The following BACH2 variants were observed in gnomAD, a reference collection of about 807,000 sequenced individuals.
BACH2 encodes the protein transcription regulator protein BACH2.
BACH2 carries 5 observed loss-of-function variants against 61.8 expected under a neutral mutation model. The observed-to-expected ratio is 0.08, with a 90% confidence interval of 0.04 to 0.17. The LOEUF is 0.17. BACH2 is among the 10% of genes least tolerant of loss of function. BACH2 has a pLI of 1.00. For synonymous variants in BACH2, 446 were observed against 440.1 expected, an observed-to-expected ratio of 1.01 and a Z score of -0.17; for missense variants, 824 against 1,091.1, an observed-to-expected ratio of 0.76 and a Z score of 3.45.
At chr6:89,975,363 T>C (rs996989120) in intron 6 of BACH2, among the ~76,000 whole-genome samples, 2 of 152,364 alleles carry the variant, frequency 1.3e-5, no homozygotes, top group East Asian at 1.9e-4. Context: ...TTAACTTTTT[T>C]AGATAGACTT....
chr6:90,194,351 A>C (rs1175116426), intron 4 of BACH2, among the ~76,000 whole-genome samples: 2 of 152,194 alleles, frequency 1.3e-5, no homozygotes, highest in Non-Finnish European at 2.9e-5. Context: ...CATGAAGAAA[A>C]AATGAAATGA....
intron 3 of BACH2, among the ~76,000 whole-genome samples, chr6:90,229,247 T>C (rs1465230473): frequency 6.6e-6 from 1 of 152,082 alleles, no homozygotes; most frequent in Non-Finnish European, 1.5e-5. Context: ...TGACCTGAGG[T>C]CGGGAGTTCA....
At chr6:90,128,418 T>TA (rs1783951227) in intron 4 of BACH2, among the ~76,000 whole-genome samples, 1 of 152,098 alleles carries the variant, frequency 6.6e-6, no homozygotes, top group South Asian at 2.1e-4. Flanking sequence ...CTGTTTCTAC[T>TA]AAAAATATAA....
At chr6:90,066,705 GA>G (rs549016837) in intron 5 of BACH2, among the ~76,000 whole-genome samples, 175 of 152,298 alleles carry the variant, frequency 1.1e-3, no homozygotes, top group African/African-American at 4.1e-3. Context: ...CATGTGTTCT[GA>G]GCCCATGAAG....
chr6:90,240,937 G>A (rs796552499), intron 3 of BACH2, among the ~76,000 whole-genome samples: 12 of 151,822 alleles, frequency 7.9e-5, no homozygotes, highest in African/African-American at 2.7e-4. Context: ...CCTATCACTT[G>A]TCAATATGAG....
At chr6:90,250,193 C>T (rs1055909537) in intron 3 of BACH2, among the ~76,000 whole-genome samples, 1 of 152,020 alleles carries the variant, frequency 6.6e-6, no homozygotes, top group Non-Finnish European at 1.5e-5. Flanking sequence ...TGAATGAAAG[C>T]AAAAAGGCTT....
At chr6:89,945,240 T>A (rs902678545) in intron 7 of BACH2, among the ~76,000 whole-genome samples, 4 of 152,316 alleles carry the variant, frequency 2.6e-5, no homozygotes, top group Admixed American at 1.3e-4. Flanking sequence ...GCATTATTTA[T>A]AATAGCCCCA....
chr6:90,040,972 G>T (rs1779505304), intron 5 of BACH2, among the ~76,000 whole-genome samples: 1 of 152,142 alleles, frequency 6.6e-6, no homozygotes, highest in African/African-American at 2.4e-5. Flanking sequence ...ATTCACAGAA[G>T]AAAGCATACT....
intron 4 of BACH2, among the ~76,000 whole-genome samples, chr6:90,181,713 C>A (rs1768172297): frequency 6.6e-6 from 1 of 152,108 alleles, no homozygotes; most frequent in African/African-American, 2.4e-5. Flanking sequence ...TCTTGAGTAG[C>A]TGGGACCAGC....
intron 2 of BACH2, among the ~76,000 whole-genome samples, chr6:90,256,292 C>A (rs1770976598): frequency 6.6e-6 from 1 of 152,178 alleles, no homozygotes; most frequent in African/African-American, 2.4e-5. Context: ...TGATTGAGTT[C>A]TACCACGAAA....
intron 4 of BACH2, among the ~76,000 whole-genome samples, chr6:90,150,625 G>A (rs1028731417): frequency 6.6e-6 from 1 of 152,126 alleles, no homozygotes; most frequent in Non-Finnish European, 1.5e-5. Flanking sequence ...AAGGAGAGGA[G>A]GAAGGAAGGA....
chr6:90,218,700 G>A (rs1278041391), intron 3 of BACH2, among the ~76,000 whole-genome samples: 1 of 151,844 alleles, frequency 6.6e-6, no homozygotes, highest in African/African-American at 2.4e-5. Context: ...CAGGCCTGAC[G>A]GATTTGGCTA....
chr6:90,114,557 A>T (rs1212458850), intron 4 of BACH2, among the ~76,000 whole-genome samples: 1 of 152,204 alleles, frequency 6.6e-6, no homozygotes, highest in Non-Finnish European at 1.5e-5. Flanking sequence ...CACAGCCAAC[A>T]TATTACTGAA....
At chr6:90,220,042 CA>C (rs1432392935) in intron 3 of BACH2, among the ~76,000 whole-genome samples, 1 of 151,922 alleles carries the variant, frequency 6.6e-6, no homozygotes, top group Admixed American at 6.6e-5. Flanking sequence ...CCGCTTGTAA[CA>C]AATTGACAAC....
At chr6:90,258,908 G>A (rs1045505392) in intron 2 of BACH2, among the ~76,000 whole-genome samples, 1 of 151,926 alleles carries the variant, frequency 6.6e-6, no homozygotes, top group African/African-American at 2.4e-5. Context: ...TGTTGATTTT[G>A]CACCCCACAG....
At chr6:90,154,610 C>CCTCT (rs1364436218) in intron 4 of BACH2, among the ~76,000 whole-genome samples, 1 of 152,098 alleles carries the variant, frequency 6.6e-6, no homozygotes, top group East Asian at 1.9e-4. Flanking sequence ...TTTAAGGGAC[C>CCTCT]CTCTCTCTAA....
chr6:89,951,434 C>T lies in BACH2; in HGVS notation c.672G>A (p.Ala224=), dbSNP rs530758967. 5.0e-5 allele frequency: 80 copies of T among 1,614,240 alleles called. No homozygotes were observed. In the South Asian group the frequency reaches 6.7e-4, roughly 14 times the overall value. The change falls in exon 7 of 9, where the codon GCG becomes GCA. Residue 224 remains alanine, a synonymous_variant. Coordinates refer to ENST00000257749, the MANE Select transcript of BACH2 (RefSeq NM_021813.4). This position sits in a 1 kb window ranked among gnomAD's most constrained non-coding sequence, Gnocchi z 6.4. ...TCTTGTATCTGGGGTACTGCGTTAA[C>T]GCGTCCTTTTCTGAGCTCTCCTTGG... ...TDTKESSEKD[A]LTQYPRYKKY...
intron 4 of BACH2, among the ~76,000 whole-genome samples, chr6:90,197,819 A>G (rs986610185): frequency 1.3e-5 from 2 of 152,230 alleles, no homozygotes; most frequent in Admixed American, 6.5e-5. Flanking sequence ...GCCTGTTTTA[A>G]TTAAGAAAAT....
intron 5 of BACH2, among the ~76,000 whole-genome samples, chr6:90,076,723 G>A (rs369505810): frequency 6.6e-6 from 1 of 152,068 alleles, no homozygotes; most frequent in Admixed American, 6.5e-5. Context: ...CCACCGTGTC[G>A]TGGCCTGACA....
Sources: gnomAD v4.1 joint callset for allele counts (sites outside exome capture counted in the v4.1 genomes callset) on GRCh38, gnomAD v4.1.1 for gene constraint, Gnocchi (gnomAD v3.1) non-coding constraint, MANE v1.5 for transcripts, NCBI Gene and HGNC (gene_info 2026-07-23, HGNC 2026-07-21) for gene names.